The following ZNF169 variants were observed in gnomAD, a reference collection of about 807,000 sequenced individuals.
ZNF169 encodes zinc finger protein 169.
ZNF169 carries 11 observed loss-of-function variants against 12.0 expected under a neutral mutation model. The observed-to-expected ratio is 0.92, with a 90% CI of 0.58 to 1.52. The LOEUF (loss-of-function observed/expected upper bound fraction) is 1.52. ZNF169 is among the 40% of genes most tolerant of loss of function. The pLI is 0.00. For synonymous variants in ZNF169, 302 were observed against 286.5 expected, an observed-to-expected ratio of 1.05 and a Z score of -0.55; for missense variants, 722 against 744.0, an observed-to-expected ratio of 0.97 and a Z score of 0.34.
chr9:94,278,145 T>C (rs1830558213), intron 1 of ZNF169, among the ~76,000 whole-genome samples: 1 of 152,248 alleles, frequency 6.6e-6, no homozygotes, highest in African/African-American at 2.4e-5. Context: ...CCCCTACTTC[T>C]CGCTTCTTAA....
intron 1 of ZNF169, among the ~76,000 whole-genome samples, chr9:94,272,329 C>T (rs1830437962): frequency 6.6e-6 from 1 of 152,020 alleles, no homozygotes; most frequent in African/African-American, 2.4e-5. Flanking sequence ...TATTTATCCT[C>T]TTAATACTTT....
intron 2 of ZNF169, among the ~76,000 whole-genome samples, chr9:94,291,047 CTTTTTTTTTTT>C (rs59027045): frequency 3.0e-4 from 18 of 59,604 alleles, no homozygotes; most frequent in African/African-American, 1.2e-3. Context: ...GAACAGTATT[CTTTTTTTTTTT>C]TTTTTTTTTT....
chr9:94,267,588 G>C (rs1830315938), intron 1 of ZNF169, among the ~76,000 whole-genome samples: 1 of 152,188 alleles, frequency 6.6e-6, no homozygotes, highest in African/African-American at 2.4e-5. Context: ...ATTGTTAAAA[G>C]CTGTTAATAG....
intron 2 of ZNF169, chr9:94,288,254 T>C: frequency 1.2e-6 from 1 of 806,470 alleles, no homozygotes; most frequent in Non-Finnish European, 2.2e-6. Context: ...AAGGACGAAT[T>C]GAAGGTCAGC....
Position 94,278,853 on chromosome 9 carries a change from C to T in ZNF169, c.33+8C>T. 6.2e-7 allele frequency: 1 copy of T among 1,613,816 alleles called. No homozygotes were observed. Among genetic ancestry groups the T allele is most frequent in the Non-Finnish European group, 8.5e-7 (1 of 1,179,858 alleles). On this transcript the variant is annotated splice_region_variant and intron_variant, in intron 2 of 4. Coordinates refer to ENST00000395395, the MANE Select transcript of ZNF169 (RefSeq NM_194320.4). Reference sequence around the variant, plus strand: ...CTGACAACCAGGAAGGAGGTAAGTCCTGAAATTTCTTCCTAGCTATTGCAG... The same window carrying T: ...CTGACAACCAGGAAGGAGGTAAGTCTTGAAATTTCTTCCTAGCTATTGCAG...
At chr9:94,273,600 A>G (rs1194474430) in intron 1 of ZNF169, among the ~76,000 whole-genome samples, 2 of 111,122 alleles carry the variant, frequency 1.8e-5, no homozygotes, top group Non-Finnish European at 3.7e-5. Flanking sequence ...TTTTTTTGAG[A>G]CAAGAGTCTT....
At chr9:94,289,291 TGGGA>T (rs1830782087) in intron 2 of ZNF169, among the ~76,000 whole-genome samples, 2 of 151,624 alleles carry the variant, frequency 1.3e-5, no homozygotes, top group Admixed American at 1.3e-4. Flanking sequence ...CCCAGCAACT[TGGGA>T]GGCTGAGGTG....
rs1324650318 is a variant in ZNF169 at position 94,300,326 on chromosome 9, C to T, written c.768C>T (p.His256=). The T allele has an allele frequency of 1.2e-6, 2 of 1,614,196 alleles. No homozygotes were observed. Among genetic ancestry groups the T allele is most frequent in the South Asian group, 2.2e-5 (2 of 91,078 alleles). Residue 256 remains histidine, a synonymous_variant, in exon 5 of 5, where the codon CAC becomes CAT. Coordinates refer to ENST00000395395, the MANE Select transcript of ZNF169 (RefSeq NM_194320.4). ...ACCTTATCAAGCACCAGAGGACACA[C>T]ACCGGGGAGAAGCCATACCTGTGTC... ...RSDLIKHQRT[H]TGEKPYLCPE...
At chr9:94,259,713 G>C (rs984966093) in intron 1 of ZNF169, among the ~76,000 whole-genome samples, 1 of 152,074 alleles carries the variant, frequency 6.6e-6, no homozygotes, top group Non-Finnish European at 1.5e-5. Context: ...GGGGTACCCA[G>C]ACAGCATCCT....
At chr9:94,275,140 G>A (rs1830498102) in intron 1 of ZNF169, among the ~76,000 whole-genome samples, 1 of 152,160 alleles carries the variant, frequency 6.6e-6, no homozygotes, top group Non-Finnish European at 1.5e-5. Context: ...TGGCGGCTGA[G>A]GCAAGAGGAT....
intron 2 of ZNF169, among the ~76,000 whole-genome samples, chr9:94,280,507 A>G (rs1830609559): frequency 6.6e-6 from 1 of 152,136 alleles, no homozygotes; most frequent in African/African-American, 2.4e-5. Flanking sequence ...TGTTTTAGCC[A>G]TTTCTTTGTG....
At chr9:94,272,783 C>A (rs898428343) in intron 1 of ZNF169, among the ~76,000 whole-genome samples, 1 of 152,084 alleles carries the variant, frequency 6.6e-6, no homozygotes, top group Non-Finnish European at 1.5e-5. Flanking sequence ...TTTTGAGGAA[C>A]CTTCATACTG....
At chr9:94,296,673 T>C in intron 4 of ZNF169, 1 of 388,038 alleles carries the variant, frequency 2.6e-6, no homozygotes, top group South Asian at 1.8e-5. Context: ...CAGTTGACCA[T>C]ATGTGATAGG....
chr9:94,278,864 T>A lies in ZNF169; in HGVS notation c.33+19T>A. 5.6e-6 allele frequency: 9 copies of A among 1,613,452 alleles called. No homozygotes were observed. The highest frequency in any genetic ancestry group is 7.6e-6 in the Non-Finnish European group (9 of 1,179,638). ...GAAGGAGGTAAGTCCTGAAATTTCTTCCTAGCTATTGCAGGAAGGTTTCAT... is the reference window on the plus strand; with the variant it reads ...GAAGGAGGTAAGTCCTGAAATTTCTACCTAGCTATTGCAGGAAGGTTTCAT... On this transcript the variant is annotated intron_variant, in intron 2 of 4. Coordinates refer to ENST00000395395, the MANE Select transcript of ZNF169 (RefSeq NM_194320.4).
intron 2 of ZNF169, among the ~76,000 whole-genome samples, chr9:94,281,930 C>T (rs987938535): frequency 6.6e-6 from 1 of 152,014 alleles, no homozygotes; most frequent in African/African-American, 2.4e-5. Flanking sequence ...TAAAATGTTT[C>T]TTATGGGACC....
intron 2 of ZNF169, among the ~76,000 whole-genome samples, chr9:94,281,772 A>G (rs1830643737): frequency 6.6e-6 from 1 of 152,224 alleles, no homozygotes; most frequent in Non-Finnish European, 1.5e-5. Context: ...AGGTAAATTT[A>G]AACATTTTCT....
chr9:94,300,494 C>T lies in ZNF169; in HGVS notation c.936C>T (p.His312=), dbSNP rs746231151. 19 of 1,614,096 alleles carry T rather than the reference C, an allele frequency of 1.2e-5. No individual in the cohort carries two copies. The highest frequency in any genetic ancestry group is 1.6e-5 in the Non-Finnish European group (19 of 1,180,060). ...TSSLTNHKRI[H]SGERPFVCQE... Reference sequence around the variant, plus strand: ...CTCTCACTAATCACAAGAGGATTCACTCCGGGGAGAGGCCCTTTGTATGTC... The same window carrying T: ...CTCTCACTAATCACAAGAGGATTCATTCCGGGGAGAGGCCCTTTGTATGTC... The change falls in exon 5 of 5, where the codon CAC becomes CAT. Residue 312 remains histidine (H), a synonymous_variant. Coordinates refer to ENST00000395395, the MANE Select transcript of ZNF169 (RefSeq NM_194320.4).
chr9:94,280,923 C>A (rs528810895), intron 2 of ZNF169, among the ~76,000 whole-genome samples: 1 of 151,980 alleles, frequency 6.6e-6, no homozygotes, highest in South Asian at 2.1e-4. Flanking sequence ...GTAGAACTGG[C>A]GGGAAAGTTG....
At chr9:94,288,420 T>C (rs1830760471) in intron 2 of ZNF169, 3 of 1,260,102 alleles carry the variant, frequency 2.4e-6, no homozygotes, top group Non-Finnish European at 3.4e-6. Context: ...TGGCTGAGCC[T>C]GAGCTTGTAA....
Sources: allele counts gnomAD v4.1 joint callset (sites outside exome capture counted in the v4.1 genomes callset), GRCh38; gene constraint gnomAD v4.1.1; transcripts MANE v1.5; gene names NCBI Gene and HGNC (gene_info 2026-07-23, HGNC 2026-07-21).